The following KAZN variants were observed in gnomAD, a reference collection of about 807,000 sequenced individuals.
KAZN encodes the protein kazrin.
A neutral mutation model predicts 87.4 loss-of-function variants in KAZN; 40 were observed. The observed-to-expected ratio is 0.46, with a 90% CI of 0.36 to 0.60. The LOEUF is 0.60. Among genes scored for constraint, KAZN ranks in the 20% least tolerant of loss-of-function variants. KAZN has a pLI of 0.00. For missense variants in KAZN, 898 were observed against 1,073.9 expected (o/e 0.84, Z 2.29); for synonymous variants, 466 against 458.3 (o/e 1.02, Z -0.22).
chr1:14,086,866 G>A (rs550862648), intron 1 of KAZN, among the ~76,000 whole-genome samples: 4 of 152,154 alleles, frequency 2.6e-5, no homozygotes, highest in South Asian at 2.1e-4. Context: ...CCATGTATGC[G>A]TGGGTCAATT....
At chr1:14,232,893 G>T (rs1648003434) in intron 2 of KAZN, among the ~76,000 whole-genome samples, 1 of 152,140 alleles carries the variant, frequency 6.6e-6, no homozygotes, top group African/African-American at 2.4e-5. Flanking sequence ...ACATGAAAAT[G>T]TGGCCACATT....
intron 1 of KAZN, among the ~76,000 whole-genome samples, chr1:14,812,079 C>T (rs1646428379): frequency 6.6e-6 from 1 of 152,186 alleles, no homozygotes; most frequent in Non-Finnish European, 1.5e-5. Context: ...AGAAGGGACA[C>T]CGAGAGCTGT....
intron 2 of KAZN, among the ~76,000 whole-genome samples, chr1:15,018,703 A>G (rs530165975): frequency 1.3e-5 from 2 of 152,008 alleles, no homozygotes; most frequent in South Asian, 4.2e-4. Context: ...TTGTGACCGA[A>G]AGGGGGTCTG....
intron 2 of KAZN, among the ~76,000 whole-genome samples, chr1:14,500,981 G>A (rs920017260): frequency 4.0e-5 from 6 of 151,624 alleles, no homozygotes; most frequent in Non-Finnish European, 7.4e-5. Flanking sequence ...AAAAGCCCAG[G>A]CCCAAATGGA....
intron 2 of KAZN, among the ~76,000 whole-genome samples, chr1:14,486,419 G>A (rs1181392683): frequency 1.3e-5 from 2 of 152,000 alleles, no homozygotes; most frequent in East Asian, 3.9e-4. Flanking sequence ...TTAAAATCCT[G>A]GTGCCTACTC....
At chr1:14,603,888 C>T (rs1677159460) in intron 1 of KAZN, among the ~76,000 whole-genome samples, 2 of 152,174 alleles carry the variant, frequency 1.3e-5, no homozygotes, top group South Asian at 4.1e-4. Flanking sequence ...CCGTGCATAT[C>T]ATATGGGGCC....
chr1:14,367,576 G>T (rs1370105122), intron 2 of KAZN, among the ~76,000 whole-genome samples: 1 of 152,108 alleles, frequency 6.6e-6, no homozygotes, highest in Non-Finnish European at 1.5e-5. Flanking sequence ...TGGAGCCCTT[G>T]CCTCCAGCCT....
intron 1 of KAZN, among the ~76,000 whole-genome samples, chr1:14,910,608 T>C (rs1657146916): frequency 6.6e-6 from 1 of 152,180 alleles, no homozygotes; most frequent in African/African-American, 2.4e-5. Flanking sequence ...TCTGGAGTTT[T>C]GCCCAGGATA....
intron 2 of KAZN, among the ~76,000 whole-genome samples, chr1:14,394,263 G>C (rs1571508054): frequency 6.6e-6 from 1 of 152,360 alleles, no homozygotes; most frequent in East Asian, 1.9e-4. Context: ...ATGTCAAGGG[G>C]AATGGCAATG....
intron 2 of KAZN, among the ~76,000 whole-genome samples, chr1:14,341,714 C>T (rs1312516512): frequency 6.6e-6 from 1 of 152,158 alleles, no homozygotes; most frequent in Non-Finnish European, 1.5e-5. Context: ...TCCAATCTGC[C>T]CACTTCCCAA....
rs569943227 is a variant in KAZN at position 14,554,746 on chromosome 1, T to C, written c.250-44237T>C. On this transcript the variant is annotated intron_variant, in intron 2 of 16. Transcript: ENST00000636203. Reference sequence around the variant, plus strand: ...CCCTGTAAAATTAAGATCAAAACTGTCATATCTTCTCCAAATTGAGTTATC... The same window carrying C: ...CCCTGTAAAATTAAGATCAAAACTGCCATATCTTCTCCAAATTGAGTTATC... Among the ~76,000 whole-genome samples, 58 of 152,332 alleles carry C rather than the reference T, an allele frequency of 3.8e-4. 1 individual carries two copies. Among genetic ancestry groups the C allele is most frequent in the Middle Eastern group, 6.8e-3 (2 of 294 alleles).
chr1:14,843,174 G>A (rs913830788), intron 1 of KAZN, among the ~76,000 whole-genome samples: 7 of 152,192 alleles, frequency 4.6e-5, no homozygotes, highest in African/African-American at 1.7e-4. Context: ...TCCCAGAGCT[G>A]CTGTCCTATT....
At chr1:14,587,094 C>T (rs999874569) in intron 2 of KAZN, among the ~76,000 whole-genome samples, 1 of 152,182 alleles carries the variant, frequency 6.6e-6, no homozygotes, top group Non-Finnish European at 1.5e-5. Flanking sequence ...TCATTCTTCC[C>T]TGTATTAGTT....
At chr1:14,985,959 C>T (rs547496189) in intron 2 of KAZN, among the ~76,000 whole-genome samples, 25 of 145,632 alleles carry the variant, frequency 1.7e-4, no homozygotes, top group Admixed American at 1.3e-3. Context: ...GCCAAGATCA[C>T]GCCACTGCAC....
At position 14,127,396 on chromosome 1, in the gene KAZN, G is replaced by GTTTTTTTTTTTTTTTTTTTTTTTTTT. The variant is rs1191115631; in HGVS notation, c.92-53037_92-53036insTTTTTTTTTTTTTTTTTTTTTTTTTT. Among the ~76,000 whole-genome samples, 2 of 51,018 alleles carry GTTTTTTTTTTTTTTTTTTTTTTTTTT rather than the reference G, an allele frequency of 3.9e-5. 1 individual carries two copies. 33.5% of individuals were successfully genotyped at this position (51,018 alleles called of 152,430 possible). On this transcript the variant is annotated intron_variant, in intron 1 of 16. Coordinates refer to the KAZN transcript ENST00000636203. ...CTGAGAAAAAGCATACCCCTTTACTGTTGTTTTTTTTTTTTTTTGGTCTGA... is the reference window on the plus strand; with the variant it reads ...CTGAGAAAAAGCATACCCCTTTACTGTTTTTTTTTTTTTTTTTTTTTTTTTTTTGTTTTTTTTTTTTTTTGGTCTGA...
At chr1:14,327,427 A>G (rs1381899347) in intron 2 of KAZN, among the ~76,000 whole-genome samples, 1 of 151,860 alleles carries the variant, frequency 6.6e-6, no homozygotes, top group Non-Finnish European at 1.5e-5. Context: ...AACCCACCTC[A>G]TTTGCTATGG....
chr1:15,106,872 TC>T (rs1182973119), intron 13 of KAZN, among the ~76,000 whole-genome samples: 1 of 152,136 alleles, frequency 6.6e-6, no homozygotes. Flanking sequence ...ATAGGACTGT[TC>T]TTTAAGGACC....
intron 2 of KAZN, among the ~76,000 whole-genome samples, chr1:14,975,132 G>A (rs567414077): frequency 6.6e-6 from 1 of 152,330 alleles, no homozygotes; most frequent in South Asian, 2.1e-4. Flanking sequence ...CAGAGTCCTC[G>A]AAGACAGGCA....
intron 2 of KAZN, among the ~76,000 whole-genome samples, chr1:14,557,672 T>A (rs201000300): frequency 0.041 from 5,572 of 136,708 alleles, 259 homozygotes; most frequent in African/African-American, 0.11. Flanking sequence ...GTGTGGTGTG[T>A]GAGAGAGAGA....
Sources: gnomAD v4.1 joint callset for allele counts (sites outside exome capture counted in the v4.1 genomes callset) on GRCh38, gnomAD v4.1.1 for gene constraint, MANE v1.5 for transcripts, NCBI Gene and HGNC (gene_info 2026-07-23, HGNC 2026-07-21) for gene names.